Variants in RC3H1 observed in about 807,000 individuals in gnomAD.
The protein encoded by RC3H1 is ring finger and CCCH-type domains 1, also known as roquin-1.
Under a neutral mutation model 138.2 loss-of-function variants are expected in RC3H1, and 50 were observed. The observed-to-expected ratio is 0.36, with a 90% CI of 0.29 to 0.46. The LOEUF (loss-of-function observed/expected upper bound fraction) is 0.46, where lower values mean the gene tolerates loss of function less well. Ranked by LOEUF, RC3H1 falls within the 20% of genes least tolerant of loss-of-function variation. The probability of loss-of-function intolerance (pLI) is 1.00; values close to 1 mark genes in which losing one functional copy is unlikely to be tolerated. For synonymous variants in RC3H1, 462 were observed against 489.1 expected (o/e 0.94, Z 0.73); for missense variants, 1,031 against 1,388.1 (o/e 0.74, Z 4.09).
intron 14 of RC3H1, among the ~76,000 whole-genome samples, chr1:173,951,274 G>A (rs576936581): frequency 1.3e-5 from 2 of 152,112 alleles, no homozygotes; most frequent in African/African-American, 4.8e-5. Context: ...GTGGTGAGCC[G>A]AGATCGCGCC....
intron 1 of RC3H1, among the ~76,000 whole-genome samples, chr1:174,016,734 A>C (rs929322854): frequency 1.3e-5 from 2 of 152,058 alleles, no homozygotes; most frequent in African/African-American, 4.8e-5. Context: ...TTAAGATTTC[A>C]ATTCAATTAG....
At position 173,992,854 on chromosome 1, in the gene RC3H1, T is replaced by C. The variant is rs10912711; in HGVS notation, c.132A>G (p.Lys44=). The part of the protein sequence containing the change: ...GHTVCKMCLN[K]LHRKACPFDQ... ...CAAATGGGCAAGCCTTGCGGTGGAGTTTATTCAGGCACATCTTGCAGACAG... is the reference window on the plus strand; with the variant it reads ...CAAATGGGCAAGCCTTGCGGTGGAGCTTATTCAGGCACATCTTGCAGACAG... Residue 44 remains lysine (K), a synonymous_variant, in exon 2 of 20, where the codon AAA becomes AAG. Transcript: ENST00000367696. 15,856 of 1,613,736 alleles carry C rather than the reference T, an allele frequency of 9.8e-3. 1,148 individuals are homozygous for C. In the African/African-American group the frequency reaches 0.17, roughly 17 times the overall value.
At chr1:174,017,732 A>T (rs1315732179) in intron 1 of RC3H1, among the ~76,000 whole-genome samples, 1 of 145,916 alleles carries the variant, frequency 6.9e-6, no homozygotes, top group Non-Finnish European at 1.5e-5. Context: ...AATAAAAAAA[A>T]TTATGTTAAT....
Position 173,989,365 on chromosome 1 carries a change from A to T in RC3H1, c.231+3390T>A, listed in dbSNP as rs181405977. Among the ~76,000 whole-genome samples the T allele has an allele frequency of 5.3e-4, 78 of 147,010 alleles. No individual in the cohort carries two copies. In the East Asian group the frequency reaches 0.014, roughly 27 times the overall value. On this transcript the variant is annotated intron_variant, in intron 2 of 19. Transcript: ENST00000367696. ...CATGTGCCACCACACCCAGCAAAAA[A>T]TTTTTTTTTGTATTTTCTGTAGAGA...
intron 13 of RC3H1, among the ~76,000 whole-genome samples, chr1:173,954,225 C>A (rs930309430): frequency 6.6e-6 from 1 of 152,100 alleles, no homozygotes; most frequent in Non-Finnish European, 1.5e-5. Flanking sequence ...GGTATATATA[C>A]AATGAAATAC....
At chr1:173,946,136 T>G (rs1484493866) in intron 17 of RC3H1, among the ~76,000 whole-genome samples, 2 of 151,656 alleles carry the variant, frequency 1.3e-5, no homozygotes, top group Non-Finnish European at 2.9e-5. Context: ...GCCACCTCAC[T>G]CCAGCCTGGG....
At chr1:174,015,205 A>G (rs893208998) in intron 1 of RC3H1, among the ~76,000 whole-genome samples, 2 of 151,550 alleles carry the variant, frequency 1.3e-5, no homozygotes, top group Non-Finnish European at 2.9e-5. Flanking sequence ...CCAATATGTT[A>G]GTGCAGATGA....
chr1:173,969,435 A>G (rs1026190290), intron 9 of RC3H1: 1 of 151,782 alleles, frequency 6.6e-6, no homozygotes, highest in Non-Finnish European at 1.5e-5. Flanking sequence ...ATGCCCTTAG[A>G]CATGGCATCT....
Position 173,979,654 on chromosome 1 carries a change from TCAAA to T in RC3H1, c.970-1038_970-1035del, listed in dbSNP as rs886848097. Among the ~76,000 whole-genome samples the T allele has an allele frequency of 1.2e-3, 178 of 152,214 alleles. 1 individual carries two copies. Among genetic ancestry groups the T allele is most frequent in the African/African-American group, 3.9e-3 (160 of 41,528 alleles). On this transcript the variant is annotated intron_variant, in intron 6 of 19. Coordinates refer to ENST00000367696, the MANE Select transcript of RC3H1 (RefSeq NM_172071.4). ...CTGGGTGACAGGGTGAGACTCTGTC[TCAAA>T]CAAACAAACAAACAAAAAAAGCCAA...
chr1:174,017,800 A>AC (rs1661888927), intron 1 of RC3H1, among the ~76,000 whole-genome samples: 1 of 150,066 alleles, frequency 6.7e-6, no homozygotes, highest in Non-Finnish European at 1.5e-5. Flanking sequence ...AAAAAAAAAA[A>AC]AAAAAAAAAA....
At chr1:174,020,262 C>A (rs1342753014) in intron 1 of RC3H1, among the ~76,000 whole-genome samples, 1 of 152,042 alleles carries the variant, frequency 6.6e-6, no homozygotes, top group Non-Finnish European at 1.5e-5. Flanking sequence ...AAAATCAAAA[C>A]ATCTCCAACA....
At chr1:173,945,519 T>C (rs1051285931) in intron 17 of RC3H1, among the ~76,000 whole-genome samples, 1 of 152,108 alleles carries the variant, frequency 6.6e-6, no homozygotes, top group Admixed American at 6.6e-5. Flanking sequence ...TGGGTTCGTG[T>C]TTCAACTTCT....
At chr1:173,952,362 G>GTT (rs1232633143) in intron 13 of RC3H1, among the ~76,000 whole-genome samples, 11 of 90,094 alleles carry the variant, frequency 1.2e-4, no homozygotes, top group Admixed American at 2.7e-4. Flanking sequence ...TAGCTTTCAG[G>GTT]TTTTTTTTTT....
At chr1:174,013,491 G>T (rs1389827791) in intron 1 of RC3H1, among the ~76,000 whole-genome samples, 2 of 151,384 alleles carry the variant, frequency 1.3e-5, no homozygotes, top group African/African-American at 4.8e-5. Flanking sequence ...CGCCAGGCTG[G>T]AGTGTAGTGG....
chr1:173,976,216 C>T (rs749855323), intron 7 of RC3H1, among the ~76,000 whole-genome samples: 26 of 151,888 alleles, frequency 1.7e-4, no homozygotes, highest in Non-Finnish European at 3.5e-4. Flanking sequence ...GCAGGCGGGT[C>T]ACCTGAGTTC....
intron 1 of RC3H1, among the ~76,000 whole-genome samples, chr1:173,993,744 G>A (rs1183077010): frequency 2.7e-5 from 4 of 149,936 alleles, no homozygotes; most frequent in Non-Finnish European, 1.5e-5. Flanking sequence ...TCTTGGCTGG[G>A]TATGGTGGCT....
intron 1 of RC3H1, 149 bp from the exon 2 acceptor site, chr1:173,993,284 A>G (rs889264145): frequency 1.6e-4 from 55 of 349,748 alleles, no homozygotes; most frequent in African/African-American, 1.1e-3. Flanking sequence ...ACAGAATTAG[A>G]GCCATGATAG....
At chr1:174,008,453 G>A (rs1449720409) in intron 1 of RC3H1, among the ~76,000 whole-genome samples, 1 of 152,046 alleles carries the variant, frequency 6.6e-6, no homozygotes, top group African/African-American at 2.4e-5. Context: ...AAGAGGGGAA[G>A]GGAGGAGGAG....
At chr1:173,958,719 G>C (rs1406092555) in intron 13 of RC3H1, among the ~76,000 whole-genome samples, 1 of 151,604 alleles carries the variant, frequency 6.6e-6, no homozygotes, top group Non-Finnish European at 1.5e-5. Context: ...TACTAGCATT[G>C]TCATACAGAA....
Sources: allele counts gnomAD v4.1 joint callset (sites outside exome capture counted in the v4.1 genomes callset), GRCh38; gene constraint gnomAD v4.1.1; transcripts MANE v1.5; gene names NCBI Gene and HGNC (gene_info 2026-07-23, HGNC 2026-07-21).